COL28A1: variants seen among roughly 807,000 people sequenced by gnomAD.
COL28A1 encodes the protein collagen type XXVIII alpha 1 chain, also known as collagen alpha-1(XXVIII) chain.
Under a neutral mutation model 150.2 loss-of-function variants are expected in COL28A1, and 161 were observed. The ratio of observed to expected loss-of-function variants is 1.07; its 90% CI spans 0.94 to 1.22. The LOEUF is 1.22. COL28A1 is among the 50% of genes most tolerant of loss of function. The probability of loss-of-function intolerance (pLI) is 0.00; values close to 1 mark genes in which losing one functional copy is unlikely to be tolerated. For synonymous variants in COL28A1, 552 were observed against 469.7 expected (o/e 1.18, Z -2.26); for missense variants, 1,617 against 1,388.3 (o/e 1.16, Z -2.62).
intron 20 of COL28A1, among the ~76,000 whole-genome samples, chr7:7,442,348 G>A (rs929668355): frequency 2.0e-5 from 3 of 152,088 alleles, no homozygotes; most frequent in Non-Finnish European, 4.4e-5. Context: ...CTCTTCCTTA[G>A]AGACATTGTT....
chr7:7,428,966 C>G (rs1477318384), intron 25 of COL28A1, among the ~76,000 whole-genome samples: 9 of 152,172 alleles, frequency 5.9e-5, no homozygotes, highest in African/African-American at 2.2e-4. Flanking sequence ...TGCTAGATGT[C>G]AGCAACTGCT....
At chr7:7,541,603 G>C in the COL28A1 span, among the ~76,000 whole-genome samples, 30 of 152,264 alleles carry the variant, frequency 2.0e-4, 1 homozygote, top group South Asian at 6.0e-3. Context: ...CACCTTGTGG[G>C]ACTTTGTAGA....
rs141637289 is a variant in COL28A1, at chr7:7,429,805, A to G, written c.1998+2668T>C. ...TGCAGACAGGTAGGTCCTACCTAGT[A>G]CTCTTCTCCCCCGGGCTCTGCCTGC... On this transcript the variant is annotated intron_variant, in intron 25 of 34. Transcript: ENST00000399429. 1.3e-3 allele frequency among the ~76,000 whole-genome samples: 193 copies of G among 151,980 alleles called. 1 individual carries two copies. The highest frequency in any genetic ancestry group is 4.3e-3 in the African/African-American group (180 of 41,434).
At chr7:7,416,786 T>C (rs11976215) in intron 27 of COL28A1, among the ~76,000 whole-genome samples, 2,661 of 152,306 alleles carry the variant, frequency 0.017, 78 homozygotes, top group African/African-American at 0.059. Flanking sequence ...TGAGTTCTGC[T>C]CTTGACTAAG....
intron 12 of COL28A1, 134 bp from the exon 13 acceptor site, chr7:7,489,591 A>C: frequency 1.6e-6 from 1 of 639,706 alleles, no homozygotes; most frequent in Non-Finnish European, 2.8e-6. Context: ...AAGGTAAAAA[A>C]TTCTAGAGGA....
At chr7:7,532,168 T>C (rs1362228950) in intron 2 of COL28A1, among the ~76,000 whole-genome samples, 1 of 152,166 alleles carries the variant, frequency 6.6e-6, no homozygotes, top group Non-Finnish European at 1.5e-5. Flanking sequence ...ATGTTAAACC[T>C]GCTGAAAGTG....
intron 13 of COL28A1, among the ~76,000 whole-genome samples, chr7:7,484,955 C>A (rs769386344): frequency 2.6e-5 from 4 of 152,022 alleles, no homozygotes; most frequent in Non-Finnish European, 5.9e-5. Context: ...AAGGGAACAG[C>A]AGACACTGGG....
intron 27 of COL28A1, among the ~76,000 whole-genome samples, chr7:7,400,687 T>TA (rs34102862): frequency 0.028 from 4,089 of 146,084 alleles, 188 homozygotes; most frequent in African/African-American, 0.093. Context: ...TCTCCCAGCT[T>TA]AAAAAAAAAA....
chr7:7,417,527 AG>A (rs1784155093), intron 27 of COL28A1: 3 of 84,176 alleles, frequency 3.6e-5, no homozygotes, highest in African/African-American at 2.8e-4. Flanking sequence ...GGGAGGGGGG[AG>A]GGAGGGAGGG....
At chr7:7,433,818 A>G (rs1348385327) in intron 23 of COL28A1, among the ~76,000 whole-genome samples, 1 of 152,168 alleles carries the variant, frequency 6.6e-6, no homozygotes, top group Non-Finnish European at 1.5e-5. Flanking sequence ...ATGTTTTAAA[A>G]TATTTATGGT....
At chr7:7,484,781 C>G (rs1779532700) in intron 13 of COL28A1, among the ~76,000 whole-genome samples, 1 of 151,964 alleles carries the variant, frequency 6.6e-6, no homozygotes, top group Non-Finnish European at 1.5e-5. Context: ...ATATATACAC[C>G]ATGAAATATT....
chr7:7,406,872 T>C (rs1325821962), intron 27 of COL28A1, among the ~76,000 whole-genome samples: 2 of 152,120 alleles, frequency 1.3e-5, no homozygotes, highest in African/African-American at 2.4e-5. Flanking sequence ...TCTTTTTTTT[T>C]AATCTTTAAA....
Position 7,375,930 on chromosome 7 carries a change from C to T in COL28A1, c.2323-433G>A, listed in dbSNP as rs572578819. On this transcript the variant is annotated intron_variant, in intron 30 of 34. Coordinates refer to ENST00000399429, the MANE Select transcript of COL28A1 (RefSeq NM_001037763.3). ...CATGTGCTGAGCAACCAAGACAAGC[C>T]GCAATGCCTACAGAGAATTCATTCT... Among the ~76,000 whole-genome samples the T allele has an allele frequency of 8.5e-5, 13 of 152,258 alleles. No individual in the cohort carries two copies. The East Asian group carries it at 9.6e-4, about 11-fold the overall frequency.
chr7:7,382,037 CG>C (rs1348669141), intron 27 of COL28A1, among the ~76,000 whole-genome samples: 1 of 151,974 alleles, frequency 6.6e-6, no homozygotes, highest in Non-Finnish European at 1.5e-5. Flanking sequence ...TGGCTGGGCA[CG>C]GTGGCTCATG....
In COL28A1 at chr7:7,452,373, T is replaced by G. The variant is rs1327156433; in HGVS notation, c.1455A>C (p.Gln485His). 7.5e-6 allele frequency: 12 copies of G among 1,600,978 alleles called. No individual in the cohort carries two copies. In the African/African-American group the frequency reaches 1.6e-4, roughly 22 times the overall value. ...GTCCTCGAGGGCCTGTAGGTCCCAT[T>G]TGGCCTACTTCTCCCTAGTAAGAAA... ...GLPGSKGEVG[Q>H]MGPTGPRGPV... Residue 485 changes from glutamine to histidine, a missense_variant, in exon 18 of 35, where the codon CAA (glutamine) becomes CAC (histidine). Transcript: ENST00000399429.
chr7:7,445,821 A>T (rs77998566), intron 18 of COL28A1, among the ~76,000 whole-genome samples: 7,782 of 152,154 alleles, frequency 0.051, 702 homozygotes, highest in African/African-American at 0.18. Context: ...GAAAATAATA[A>T]ACTTGAAAAC....
At chr7:7,518,749 C>T (rs1781553077) in intron 6 of COL28A1, among the ~76,000 whole-genome samples, 1 of 152,074 alleles carries the variant, frequency 6.6e-6, no homozygotes, top group Non-Finnish European at 1.5e-5. Flanking sequence ...TCAAAACACA[C>T]ACAAAAACAA....
chr7:7,362,492 AT>A (rs1341307673), intron 33 of COL28A1, among the ~76,000 whole-genome samples: 1 of 151,824 alleles, frequency 6.6e-6, no homozygotes, highest in African/African-American at 2.4e-5. Context: ...ATTGCTTTTG[AT>A]TTTTTTTGTG....
At chr7:7,340,593 A>T in the COL28A1 span, among the ~76,000 whole-genome samples, 1 of 152,102 alleles carries the variant, frequency 6.6e-6, no homozygotes, top group East Asian at 1.9e-4. Context: ...TGGCTGCCTT[A>T]TTAATGATTT....
Sources: gnomAD v4.1 joint callset for allele counts (sites outside exome capture counted in the v4.1 genomes callset) on GRCh38, gnomAD v4.1.1 for gene constraint, MANE v1.5 for transcripts, NCBI Gene and HGNC (gene_info 2026-07-23, HGNC 2026-07-21) for gene names.